ORC5: variants seen among roughly 807,000 people sequenced by gnomAD.
ORC5 encodes the protein protein phosphatase 1, regulatory subunit 117.
A neutral mutation model predicts 58.8 loss-of-function variants in ORC5; 39 were observed. That is an observed-to-expected ratio of 0.66 (90% CI 0.51 to 0.87). ORC5 has a LOEUF of 0.87. Among genes scored for constraint, ORC5 ranks in the 40% least tolerant of loss-of-function variants. The pLI is 0.00. For synonymous variants in ORC5, 218 were observed against 177.6 expected (o/e 1.23, Z -1.81); for missense variants, 493 against 506.3 (o/e 0.97, Z 0.25).
chr7:104,161,379 G>A (rs1488263270), intron 11 of ORC5, among the ~76,000 whole-genome samples, 197 bp from the exon 12 acceptor site: 1 of 151,834 alleles, frequency 6.6e-6, no homozygotes, highest in African/African-American at 2.4e-5. Context: ...AGTTTGTTTT[G>A]TTTAGAGACA....
At chr7:104,177,821 G>T (rs1799354223) in intron 8 of ORC5, among the ~76,000 whole-genome samples, 1 of 152,150 alleles carries the variant, frequency 6.6e-6, no homozygotes, top group South Asian at 2.1e-4. Flanking sequence ...AACATGCAGT[G>T]TTTGGTTTTC....
chr7:104,163,571 A>C (rs1799059125), intron 11 of ORC5, among the ~76,000 whole-genome samples: 1 of 152,018 alleles, frequency 6.6e-6, no homozygotes, highest in African/African-American at 2.4e-5. Context: ...ACTGCAAGCT[A>C]CGCCTCCCAG....
At chr7:104,143,764 T>C (rs1426447927) in intron 12 of ORC5, among the ~76,000 whole-genome samples, 1 of 152,154 alleles carries the variant, frequency 6.6e-6, no homozygotes, top group African/African-American at 2.4e-5. Flanking sequence ...AAAATATTCA[T>C]ATATATAAAT....
Position 104,126,899 on chromosome 7 carries a change from A to G in ORC5, c.1263-6T>C. 2 of 1,593,594 alleles carry G rather than the reference A, an allele frequency of 1.3e-6. No individual in the cohort carries two copies. The highest frequency in any genetic ancestry group is 8.6e-7 in the Non-Finnish European group (1 of 1,162,468). On this transcript the variant is annotated splice_polypyrimidine_tract_variant and splice_region_variant and intron_variant, in intron 13 of 13. Coordinates refer to ENST00000297431, the MANE Select transcript of ORC5 (RefSeq NM_002553.4). ...TTATGTCAAAGTTCACCGTCCTAAA[A>G]ACAAAAACAGATAATATGTTAGCAT...
intron 2 of ORC5, among the ~76,000 whole-genome samples, chr7:104,202,067 G>A (rs187901824): frequency 6.6e-6 from 1 of 151,852 alleles, no homozygotes; most frequent in Admixed American, 6.6e-5. Flanking sequence ...TCCAACCTGG[G>A]CAATAGAGCA....
chr7:104,159,468 AAAGTAT>A (rs1276668567), intron 12 of ORC5, among the ~76,000 whole-genome samples: 3 of 151,100 alleles, frequency 2.0e-5, no homozygotes, highest in Admixed American at 1.3e-4. Context: ...CCTAAAACTT[AAAGTAT>A]AATAATAATA....
chr7:104,199,967 C>T (rs963004895), intron 3 of ORC5, among the ~76,000 whole-genome samples: 4 of 152,164 alleles, frequency 2.6e-5, no homozygotes, highest in African/African-American at 9.7e-5. Flanking sequence ...ATAGTGAGCT[C>T]ACATCTGATC....
chr7:104,204,027 G>T (rs770382582), intron 2 of ORC5, 115 bp downstream of exon 2: 1 of 534,016 alleles, frequency 1.9e-6, no homozygotes, highest in African/African-American at 1.9e-5. Flanking sequence ...AATATGGGAA[G>T]GAGAGTAATG....
intron 8 of ORC5, among the ~76,000 whole-genome samples, chr7:104,169,420 T>G (rs1799169924): frequency 6.6e-6 from 1 of 152,118 alleles, no homozygotes; most frequent in African/African-American, 2.4e-5. Context: ...CACGACAAAT[T>G]GAATTTATAA....
At chr7:104,175,274 A>T (rs185153258) in intron 8 of ORC5, among the ~76,000 whole-genome samples, 13 of 152,278 alleles carry the variant, frequency 8.5e-5, no homozygotes, top group African/African-American at 4.8e-5. Flanking sequence ...AAACTTATTT[A>T]AAAAAACTGC....
chr7:104,189,396 C>T (rs531082081), intron 5 of ORC5, among the ~76,000 whole-genome samples: 1 of 152,170 alleles, frequency 6.6e-6, no homozygotes, highest in Admixed American at 6.5e-5. Context: ...GGGGGAATCG[C>T]ACCCATGATT....
In ORC5 at chr7:104,161,059, T is replaced by C. The variant is rs1799013867; in HGVS notation, c.1149+13A>G. ...CACAAAGATGACAGATAATAATCTA[T>C]GATTAAGCTTACCTGGGAAAAAATA... On this transcript the variant is annotated intron_variant, in intron 12 of 13. Transcript: ENST00000297431. 1 of 1,305,740 alleles carries C rather than the reference T, an allele frequency of 7.7e-7. No individual in the cohort carries two copies. Among genetic ancestry groups the C allele is most frequent in the Non-Finnish European group, 1.1e-6 (1 of 899,720 alleles). 80.9% of individuals were successfully genotyped at this position (1,305,740 alleles called of 1,614,324 possible).
Position 104,165,268 on chromosome 7 carries a change from G to T in ORC5, c.1005C>A (p.Ile335=). Residue 335 remains isoleucine (I), a synonymous_variant, in exon 11 of 14, where the codon ATC becomes ATA. Transcript: ENST00000297431. ...KRFFLKHHGK[I]KKTNFLKKHE... ...GTTTTTTTAGAAAGTTGGTTTTCTT[G>T]ATTTTTCCATGATGCTGCAATTAAG... The T allele has an allele frequency of 6.5e-7, 1 of 1,530,310 alleles. No homozygotes were observed. The highest frequency in any genetic ancestry group is 1.2e-5 in the South Asian group (1 of 84,034). 94.8% of individuals were successfully genotyped at this position (1,530,310 alleles called of 1,614,324 possible).
At chr7:104,177,605 G>A (rs1799348814) in intron 8 of ORC5, among the ~76,000 whole-genome samples, 1 of 152,110 alleles carries the variant, frequency 6.6e-6, no homozygotes, top group Non-Finnish European at 1.5e-5. Flanking sequence ...TACACGTGCA[G>A]AACGTGCAGG....
intron 1 of ORC5, among the ~76,000 whole-genome samples, chr7:104,204,615 G>A (rs779173508): frequency 3.3e-5 from 5 of 152,010 alleles, no homozygotes; most frequent in East Asian, 1.9e-4. Context: ...TATCTCCTGC[G>A]ATGCCACAAC....
intron 5 of ORC5, among the ~76,000 whole-genome samples, chr7:104,188,831 T>C (rs1241749840): frequency 1.3e-5 from 2 of 152,058 alleles, no homozygotes; most frequent in African/African-American, 2.4e-5. Context: ...GTTCTTGTGA[T>C]AGAGTTCTCA....
At chr7:104,176,381 G>A (rs571318814) in intron 8 of ORC5, among the ~76,000 whole-genome samples, 1 of 152,174 alleles carries the variant, frequency 6.6e-6, no homozygotes, top group Non-Finnish European at 1.5e-5. Context: ...AGGCTTTACA[G>A]GGCCATTTCA....
intron 12 of ORC5, among the ~76,000 whole-genome samples, chr7:104,155,132 C>T (rs995817881): frequency 6.6e-5 from 10 of 151,606 alleles, no homozygotes; most frequent in South Asian, 2.1e-4. Context: ...ATAAAACCTC[C>T]GTAAGAAACG....
rs374853423 is a variant in ORC5, at chr7:104,201,003, C to T, written c.166-45G>A. 18 of 1,496,778 alleles carry T rather than the reference C, an allele frequency of 1.2e-5. 1 individual carries two copies. Among genetic ancestry groups the T allele is most frequent in the Middle Eastern group, 1.7e-4 (1 of 5,716 alleles). The allele number at this position is 1,496,778 out of a possible 1,614,324, so 92.7% of individuals were successfully genotyped here. ...CACTGTAAGTAAAGAAGAAAACACA[C>T]AAACACAATAATGGCTGTGCTGGAT... On this transcript the variant is annotated intron_variant, in intron 2 of 13. Coordinates refer to ENST00000297431, the MANE Select transcript of ORC5 (RefSeq NM_002553.4).
Sources: allele counts gnomAD v4.1 joint callset (sites outside exome capture counted in the v4.1 genomes callset), GRCh38; gene constraint gnomAD v4.1.1; transcripts MANE v1.5; gene names NCBI Gene and HGNC (gene_info 2026-07-23, HGNC 2026-07-21).